The following TRIM44 variants were observed in gnomAD, a reference collection of about 807,000 sequenced individuals.
TRIM44 encodes the protein tripartite motif containing 44, also known as tripartite motif-containing protein 44.
Under a neutral mutation model 37.4 loss-of-function variants are expected in TRIM44, and 13 were observed. The observed-to-expected ratio is 0.35, with a 90% CI of 0.23 to 0.55. The LOEUF is 0.55. TRIM44 is among the 20% of genes least tolerant of loss of function. The probability of loss-of-function intolerance (pLI) is 0.89; values close to 1 mark genes in which losing one functional copy is unlikely to be tolerated. For synonymous variants in TRIM44, 175 were observed against 157.2 expected (o/e 1.11, Z -0.85); for missense variants, 426 against 437.2 (o/e 0.97, Z 0.23).
Position 35,735,458 on chromosome 11 carries a change from T to G in TRIM44, c.1007+13T>G, listed in dbSNP as rs1343949337. ...AGGAAGGACCCAGGTAAGATCACAT[T>G]GTTGCTTGTCTTTTCTCATAATTGA... On this transcript the variant is annotated intron_variant, in intron 4 of 4. Coordinates refer to ENST00000299413, the MANE Select transcript of TRIM44 (RefSeq NM_017583.6). 1 of 1,613,608 alleles carries G rather than the reference T, an allele frequency of 6.2e-7. No individual in the cohort carries two copies.
chr11:35,733,366 C>T (rs1191823355), intron 3 of TRIM44, among the ~76,000 whole-genome samples: 2 of 152,060 alleles, frequency 1.3e-5, no homozygotes, highest in African/African-American at 4.8e-5. Flanking sequence ...TTATCTTAGA[C>T]AATTAGGCTT....
intron 4 of TRIM44, among the ~76,000 whole-genome samples, chr11:35,766,416 G>C (rs948632433): frequency 9.2e-5 from 14 of 152,278 alleles, no homozygotes; most frequent in African/African-American, 3.4e-4. Flanking sequence ...GGAAAGGTAG[G>C]CAGAATTGAA....
chr11:35,810,973 G>C lies in TRIM44; in HGVS notation c.*4588G>C, dbSNP rs1853521923. The C allele has an allele frequency of 6.6e-6, 1 of 152,166 alleles. No individual in the cohort carries two copies. The allele number at this position is 152,166 out of a possible 1,614,324, so 9.4% of individuals were successfully genotyped here. On this transcript the variant is annotated 3_prime_UTR_variant, in exon 5 of 5. Coordinates refer to ENST00000299413, the MANE Select transcript of TRIM44 (RefSeq NM_017583.6). ...TCATACTGTAAATTATTTTGTAAGA[G>C]AGATTTACTGCTATCCCAGGATGTT... is the stretch of plus-strand genomic sequence containing the variant.
At chr11:35,701,144 A>G (rs1222182555) in intron 2 of TRIM44, among the ~76,000 whole-genome samples, 1 of 152,148 alleles carries the variant, frequency 6.6e-6, no homozygotes, top group Non-Finnish European at 1.5e-5. Context: ...AAGTCCCCCA[A>G]AATTAAGGGT....
chr11:35,798,268 C>G lies in TRIM44; in HGVS notation c.1008-8090C>G, dbSNP rs115256646. ...CAGAGGGATGACTTTGTTGTCTGTCCTTTGTGAGGGCAGTATGTAGCTTTT... is the reference window on the plus strand; with the variant it reads ...CAGAGGGATGACTTTGTTGTCTGTCGTTTGTGAGGGCAGTATGTAGCTTTT... On this transcript the variant is annotated intron_variant, in intron 4 of 4. Transcript: ENST00000299413. Among the ~76,000 whole-genome samples the G allele has an allele frequency of 2.5e-3, 381 of 152,236 alleles. 3 individuals are homozygous for G. Among genetic ancestry groups the G allele is most frequent in the African/African-American group, 8.4e-3 (348 of 41,558 alleles).
At chr11:35,792,111 A>ACTCTCTCTCT (rs775490025) in intron 4 of TRIM44, among the ~76,000 whole-genome samples, 3 of 114,296 alleles carry the variant, frequency 2.6e-5, no homozygotes, top group African/African-American at 7.4e-5. Flanking sequence ...ACACACACAC[A>ACTCTCTCTCT]CTCTCTCTCA....
intron 2 of TRIM44, among the ~76,000 whole-genome samples, chr11:35,695,965 T>C (rs1330561280): frequency 6.6e-6 from 1 of 151,864 alleles, no homozygotes; most frequent in Non-Finnish European, 1.5e-5. Flanking sequence ...TTTTGGATGC[T>C]TTCGGGGCCC....
chr11:35,772,105 G>A (rs947119907), intron 4 of TRIM44, among the ~76,000 whole-genome samples: 1 of 152,216 alleles, frequency 6.6e-6, no homozygotes, highest in African/African-American at 2.4e-5. Context: ...GCTTCAGAGG[G>A]TGTAAGCCGC....
intron 4 of TRIM44, among the ~76,000 whole-genome samples, chr11:35,799,770 A>G (rs958888420): frequency 3.3e-5 from 5 of 152,176 alleles, no homozygotes; most frequent in African/African-American, 4.8e-5. Flanking sequence ...ATGTCTTAGC[A>G]CAGTTTGTGG....
At position 35,811,464 on chromosome 11, in the gene TRIM44, C is replaced by CAGTT. The variant is rs1316532923; in HGVS notation, c.*5082_*5085dup. 1 of 152,096 alleles carries CAGTT rather than the reference C, an allele frequency of 6.6e-6. No individual in the cohort carries two copies. The highest frequency in any genetic ancestry group is 1.5e-5 in the Non-Finnish European group (1 of 68,008). 9.4% of individuals were successfully genotyped at this position (152,096 alleles called of 1,614,324 possible). A position where few individuals can be genotyped will look rare whatever the true frequency, so the allele number is the denominator to read the frequency against. On this transcript the variant is annotated 3_prime_UTR_variant, in exon 5 of 5. Transcript: ENST00000299413. ...AAAAAATGTCTTTTAGAGCAAATTA[C>CAGTT]AGTTAGGCCAACAAAATCTTTGTTT...
rs1853567265 is a variant in TRIM44, at chr11:35,815,100, G to A, written c.*8715G>A. On this transcript the variant is annotated 3_prime_UTR_variant, in exon 5 of 5. Transcript: ENST00000299413. ...CTTGCTTTCCTCCCTAAGCCAGAGT[G>A]TAGTTAAACATTTATATGTCCCAGG... is the stretch of plus-strand genomic sequence containing the variant. 2 of 152,142 alleles carry A rather than the reference G, an allele frequency of 1.3e-5. No individual in the cohort carries two copies. The allele number at this position is 152,142 out of a possible 1,614,324, so 9.4% of individuals were successfully genotyped here.
At chr11:35,694,658 G>A (rs1479101369) in intron 2 of TRIM44, among the ~76,000 whole-genome samples, 1 of 151,990 alleles carries the variant, frequency 6.6e-6, no homozygotes, top group African/African-American at 2.4e-5. Flanking sequence ...TTCACATCAA[G>A]GATGCCGTTT....
chr11:35,755,901 A>G (rs1222246152), intron 4 of TRIM44, among the ~76,000 whole-genome samples: 1 of 152,112 alleles, frequency 6.6e-6, no homozygotes, highest in Non-Finnish European at 1.5e-5. Context: ...TGTTTTGGTT[A>G]CTGTAGCCTT....
At chr11:35,716,349 CA>C (rs75793069) in intron 2 of TRIM44, among the ~76,000 whole-genome samples, 4,829 of 152,180 alleles carry the variant, frequency 0.032, 409 homozygotes, top group Admixed American at 0.19. Context: ...TTTGTTTTAG[CA>C]AATTAGTGGT....
chr11:35,730,284 A>G (rs561173557), intron 3 of TRIM44, among the ~76,000 whole-genome samples: 2 of 152,244 alleles, frequency 1.3e-5, no homozygotes, highest in Non-Finnish European at 2.9e-5. Context: ...ATAGATTGAT[A>G]CTGATCCAAT....
At position 35,806,809 on chromosome 11, in the gene TRIM44, T is replaced by C. The variant is rs1011725938; in HGVS notation, c.*424T>C. 1 of 167,082 alleles carries C rather than the reference T, an allele frequency of 6.0e-6. No homozygotes were observed. The allele number at this position is 167,082 out of a possible 1,614,324, so 10.3% of individuals were successfully genotyped here. ...TAACAAAAACCCAATTTTGTTCATA[T>C]TGAAGCATGAAATAAATGAGAGCAA... On this transcript the variant is annotated 3_prime_UTR_variant, in exon 5 of 5. Transcript: ENST00000299413.
chr11:35,792,111 A>ACACACACACACACACACACCCTCT (rs796092540), intron 4 of TRIM44, among the ~76,000 whole-genome samples: 1 of 114,298 alleles, frequency 8.7e-6, no homozygotes, highest in Non-Finnish European at 1.8e-5. Flanking sequence ...ACACACACAC[A>ACACACACACACACACACACCCTCT]CTCTCTCTCA....
chr11:35,737,114 T>A (rs573425861), intron 4 of TRIM44, among the ~76,000 whole-genome samples: 1 of 152,272 alleles, frequency 6.6e-6, no homozygotes, highest in East Asian at 1.9e-4. Flanking sequence ...AAAGGTTATA[T>A]ATAAACAGAG....
At chr11:35,742,894 G>T (rs982329803) in intron 4 of TRIM44, among the ~76,000 whole-genome samples, 1 of 149,356 alleles carries the variant, frequency 6.7e-6, no homozygotes, top group East Asian at 1.9e-4. Flanking sequence ...TCGCAGAGAG[G>T]TTATACACTC....
Sources: gnomAD v4.1 joint callset for allele counts (sites outside exome capture counted in the v4.1 genomes callset) on GRCh38, gnomAD v4.1.1 for gene constraint, MANE v1.5 for transcripts, NCBI Gene and HGNC (gene_info 2026-07-23, HGNC 2026-07-21) for gene names.